The following L3MBTL4 variants were observed in gnomAD, a reference collection of about 807,000 sequenced individuals.
The protein encoded by L3MBTL4 is lethal(3)malignant brain tumor-like protein 4.
A neutral mutation model predicts 84.5 loss-of-function variants in L3MBTL4; 70 were observed. The ratio of observed to expected loss-of-function variants is 0.83; its 90% CI spans 0.68 to 1.01. The LOEUF is 1.01. L3MBTL4 is among the 50% of genes least tolerant of loss of function. The probability of loss-of-function intolerance (pLI) is 0.00; values close to 1 mark genes in which losing one functional copy is unlikely to be tolerated. For synonymous variants in L3MBTL4, 274 were observed against 259.8 expected (o/e 1.05, Z -0.52); for missense variants, 715 against 754.8 (o/e 0.95, Z 0.62).
At chr18:6,046,792 C>A (rs372481006) in intron 16 of L3MBTL4, 2 of 760,168 alleles carry the variant, frequency 2.6e-6, no homozygotes, top group Non-Finnish European at 4.9e-6. Context: ...ACACTTACCT[C>A]AAAAAGTTAG....
chr18:6,039,109 T>A (rs2056287799), intron 16 of L3MBTL4, among the ~76,000 whole-genome samples: 1 of 151,822 alleles, frequency 6.6e-6, no homozygotes, highest in Admixed American at 6.6e-5. Context: ...AGACAGATGG[T>A]AGTAGTCTAC....
rs758560616 is a variant in L3MBTL4 at position 5,955,544 on chromosome 18, A to T, written c.*676T>A. The T allele has an allele frequency of 4.6e-5, 7 of 152,220 alleles. No homozygotes were observed. Among genetic ancestry groups the T allele is most frequent in the Non-Finnish European group, 4.4e-5 (3 of 68,066 alleles). 9.4% of individuals were successfully genotyped at this position (152,220 alleles called of 1,614,324 possible). On this transcript the variant is annotated 3_prime_UTR_variant, in exon 19 of 19. Transcript: ENST00000317931. Reference sequence around the variant, plus strand: ...TCCAGCTTTTGGAAGTGCCCACCTGACCGTCCTCTCATTACTCCTGGCTAC... The same window carrying T: ...TCCAGCTTTTGGAAGTGCCCACCTGTCCGTCCTCTCATTACTCCTGGCTAC...
intron 1 of L3MBTL4, among the ~76,000 whole-genome samples, chr18:6,373,595 G>A (rs572435039): frequency 6.6e-6 from 1 of 152,080 alleles, no homozygotes; most frequent in African/African-American, 2.4e-5. Flanking sequence ...AATGTACCCT[G>A]CCAACAAGGA....
chr18:6,320,503 G>A (rs1030587669), intron 1 of L3MBTL4, among the ~76,000 whole-genome samples: 3 of 151,826 alleles, frequency 2.0e-5, no homozygotes, highest in African/African-American at 7.3e-5. Context: ...ATCAAATCAG[G>A]AACCCAAACG....
chr18:6,002,453 C>A (rs976693169), intron 16 of L3MBTL4, among the ~76,000 whole-genome samples: 3 of 152,072 alleles, frequency 2.0e-5, no homozygotes, highest in Non-Finnish European at 4.4e-5. Context: ...TTTTCTACAT[C>A]ATTTAAAAGA....
intron 9 of L3MBTL4, 108 bp from the exon 10 acceptor site, chr18:6,238,148 T>G (rs1166269627): frequency 2.1e-6 from 2 of 959,850 alleles, no homozygotes; most frequent in Non-Finnish European, 3.4e-6. Flanking sequence ...AAAACAGTAC[T>G]TCATAGCTGG....
intron 16 of L3MBTL4, among the ~76,000 whole-genome samples, chr18:6,001,813 A>G (rs537245940): frequency 6.6e-6 from 1 of 152,330 alleles, no homozygotes; most frequent in Non-Finnish European, 1.5e-5. Flanking sequence ...AAGCAGACCA[A>G]TATACACATT....
intron 17 of L3MBTL4, among the ~76,000 whole-genome samples, chr18:5,963,892 A>C (rs1366724434): frequency 6.6e-6 from 1 of 152,136 alleles, no homozygotes; most frequent in Non-Finnish European, 1.5e-5. Flanking sequence ...GAGGGGCATG[A>C]CCTCTGCAGA....
intron 4 of L3MBTL4, among the ~76,000 whole-genome samples, chr18:6,269,467 C>CA (rs1374602944): frequency 2.0e-4 from 31 of 151,436 alleles, no homozygotes; most frequent in Admixed American, 5.9e-4. Flanking sequence ...AAAAAACAAA[C>CA]AAAAAAAACA....
At chr18:6,247,999 CATACAAAATGCACAT>C (rs1304648431) in intron 5 of L3MBTL4, among the ~76,000 whole-genome samples, 43 of 152,222 alleles carry the variant, frequency 2.8e-4, no homozygotes, top group African/African-American at 9.6e-4. Flanking sequence ...TCACTAGTTA[CATACAAAATGCACAT>C]ATATGTACAT....
At position 6,201,157 on chromosome 18, in the gene L3MBTL4, T is replaced by A. The variant is rs907889577; in HGVS notation, c.981+11992A>T. The stretch of plus-strand genomic sequence containing the variant: ...ACAAAGTATAAATAAATAAAACAAA[T>A]ATATAATCTAATGTCAGATAACCAT... On this transcript the variant is annotated intron_variant, in intron 12 of 18. Coordinates refer to ENST00000317931, the MANE Select transcript of L3MBTL4 (RefSeq NM_001330559.2). 2.0e-5 allele frequency among the ~76,000 whole-genome samples: 3 copies of A among 152,170 alleles called. No homozygotes were observed. The South Asian group carries it at 6.2e-4, about 32-fold the overall frequency.
chr18:6,085,578 T>C (rs1179498398), intron 15 of L3MBTL4, among the ~76,000 whole-genome samples: 1 of 152,158 alleles, frequency 6.6e-6, no homozygotes, highest in East Asian at 1.9e-4. Flanking sequence ...TGAGTACTCA[T>C]AAGATCTGAT....
intron 10 of L3MBTL4, among the ~76,000 whole-genome samples, chr18:6,232,755 GAA>G (rs199581245): frequency 6.6e-6 from 1 of 150,858 alleles, no homozygotes; most frequent in African/African-American, 2.4e-5. Flanking sequence ...GTTATCAGAA[GAA>G]AAAAAAGTTT....
chr18:6,399,515 C>T (rs972691514), intron 1 of L3MBTL4, among the ~76,000 whole-genome samples: 1 of 152,162 alleles, frequency 6.6e-6, no homozygotes, highest in Non-Finnish European at 1.5e-5. Context: ...GGTATATTAA[C>T]TGCATAGTAA....
At chr18:6,383,505 G>A (rs1226159517) in intron 1 of L3MBTL4, among the ~76,000 whole-genome samples, 1 of 152,150 alleles carries the variant, frequency 6.6e-6, no homozygotes, top group African/African-American at 2.4e-5. Context: ...GCAGTATCTG[G>A]GCTGGAGTGC....
intron 12 of L3MBTL4, among the ~76,000 whole-genome samples, chr18:6,205,065 C>T (rs2045813854): frequency 6.6e-6 from 1 of 152,170 alleles, no homozygotes; most frequent in Non-Finnish European, 1.5e-5. Flanking sequence ...GGTCCCGTAA[C>T]ATGGCAAGGC....
At chr18:6,104,124 T>C (rs547093653) in intron 14 of L3MBTL4, among the ~76,000 whole-genome samples, 2 of 152,322 alleles carry the variant, frequency 1.3e-5, no homozygotes, top group East Asian at 3.9e-4. Flanking sequence ...ACTGGAACCC[T>C]TCTGGTGAGG....
rs775664919 is a variant in L3MBTL4 at position 5,956,272 on chromosome 18, G to A, written c.1793C>T (p.Ser598Phe). ...IYNSILMFRHSQELPEEDIAS... is the reference protein window; with the variant it reads ...IYNSILMFRHFQELPEEDIAS... The stretch of plus-strand genomic sequence containing the variant: ...AATATCTTCTTCAGGGAGTTCCTGG[G>A]AATGCCTGAACATCAGGATAGAGTT... Residue 598 changes from serine (S) to phenylalanine (F), a missense_variant, in exon 19 of 19, where the codon TCC (serine) becomes TTC (phenylalanine). Ser to Phe is a radical substitution (Grantham distance 155). Transcript: ENST00000317931. 2.5e-6 allele frequency: 4 copies of A among 1,614,040 alleles called. No individual in the cohort carries two copies. Among genetic ancestry groups the A allele is most frequent in the South Asian group, 2.2e-5 (2 of 91,062 alleles).
intron 13 of L3MBTL4, among the ~76,000 whole-genome samples, chr18:6,138,506 C>T (rs976021464): frequency 3.9e-5 from 6 of 152,074 alleles, no homozygotes; most frequent in African/African-American, 1.5e-4. Flanking sequence ...ACAGCACAAC[C>T]CATATCAGAG....
Sources: gnomAD v4.1 joint callset for allele counts (sites outside exome capture counted in the v4.1 genomes callset) on GRCh38, gnomAD v4.1.1 for gene constraint, MANE v1.5 for transcripts, NCBI Gene and HGNC (gene_info 2026-07-23, HGNC 2026-07-21) for gene names.